Variants in AKAP12 observed in about 807,000 individuals in gnomAD.
AKAP12 encodes the protein A-kinase anchor protein 12.
A neutral mutation model predicts 79.9 loss-of-function variants in AKAP12; 32 were observed. The ratio of observed to expected loss-of-function variants is 0.40; its 90% confidence interval spans 0.30 to 0.54. The LOEUF is 0.54. AKAP12 is among the 20% of genes least tolerant of loss of function. AKAP12 has a pLI of 0.48. For synonymous variants in AKAP12, 808 were observed against 857.0 expected (o/e 0.94, Z 1.00); for missense variants, 2,074 against 2,177.0 (o/e 0.95, Z 0.94).
At chr6:151,331,928 G>A (rs1416753470) in intron 3 of AKAP12, among the ~76,000 whole-genome samples, 1 of 149,234 alleles carries the variant, frequency 6.7e-6, no homozygotes, top group Admixed American at 6.7e-5. Context: ...CTAGTAGCAC[G>A]ATCATAGCTC....
intron 2 of AKAP12, among the ~76,000 whole-genome samples, chr6:151,303,354 G>A (rs1582868263): frequency 6.6e-6 from 1 of 152,186 alleles, no homozygotes; most frequent in East Asian, 1.9e-4. Context: ...AAGTGGAAAT[G>A]TAATCTGAGT....
chr6:151,272,349 AAAAAAAAAAAC>A (rs1481539318), intron 2 of AKAP12, among the ~76,000 whole-genome samples: 4 of 150,972 alleles, frequency 2.6e-5, no homozygotes, highest in East Asian at 1.9e-4. Context: ...TGTTTCAAAA[AAAAAAAAAAAC>A]AAAAAAAACA....
chr6:151,288,670 A>G (rs1776555442), intron 2 of AKAP12, among the ~76,000 whole-genome samples: 1 of 152,202 alleles, frequency 6.6e-6, no homozygotes, highest in Non-Finnish European at 1.5e-5. Context: ...GTACAGCTGA[A>G]CTGCCTGTCA....
chr6:151,351,964 T>A lies in AKAP12; in HGVS notation c.3573T>A (p.Ile1191=). The A allele has an allele frequency of 1.9e-6, 3 of 1,613,934 alleles. No individual in the cohort carries two copies. Among genetic ancestry groups the A allele is most frequent in the Non-Finnish European group, 2.5e-6 (3 of 1,179,988 alleles). ...CAGGCACAACCCAGAAAGACGAGAT[T>A]GTGGAAATCCATGAGGAGAATGAGG... ...DAPGTTQKDE[I]VEIHEENEVA... Residue 1191 remains isoleucine, a synonymous_variant, in exon 4 of 5, where the codon ATT becomes ATA. Coordinates refer to ENST00000402676, the MANE Select transcript of AKAP12 (RefSeq NM_005100.4). This position sits in a 1 kb window ranked among gnomAD's most constrained non-coding sequence, Gnocchi z 4.4.
intron 3 of AKAP12, chr6:151,324,507 C>G: frequency 1.0e-6 from 1 of 985,434 alleles, no homozygotes; most frequent in Non-Finnish European, 1.2e-6. Flanking sequence ...CTCGCCCACC[C>G]TTCTCTTTGC....
intron 2 of AKAP12, among the ~76,000 whole-genome samples, chr6:151,274,153 C>T (rs1485324757): frequency 6.6e-6 from 1 of 151,834 alleles, no homozygotes; most frequent in Non-Finnish European, 1.5e-5. Flanking sequence ...CTCACTGCAA[C>T]CTCTGCCTCT....
chr6:151,353,486 GA>G lies in AKAP12; in HGVS notation c.5100del (p.Gly1701ValfsTer23). On this transcript the variant is annotated frameshift_variant, in exon 4 of 5. Coordinates refer to ENST00000402676, the MANE Select transcript of AKAP12 (RefSeq NM_005100.4). LOFTEE classifies it low-confidence loss of function (END_TRUNC). ...GTCACTAGTTGAACCGAAAGAAGAT[GA>G]AAAAGGTGATGATGTTGATGACCCT... ...EKSLVEPKED[E>X]KGDDVDDPEN... is the part of the protein sequence containing the mutation. The G allele has an allele frequency of 6.2e-7, 1 of 1,614,104 alleles. No homozygotes were observed.
chr6:151,341,319 G>C (rs1777939458), intron 3 of AKAP12, among the ~76,000 whole-genome samples: 1 of 152,234 alleles, frequency 6.6e-6, no homozygotes, highest in African/African-American at 2.4e-5. Flanking sequence ...CTCCCAAAGT[G>C]CTGGGATTAC....
chr6:151,324,165 C>G, intron 3 of AKAP12: 1 of 985,352 alleles, frequency 1.0e-6, no homozygotes, highest in Non-Finnish European at 1.2e-6. Flanking sequence ...AGAGTTGAGA[C>G]TTCTCTAGAG....
At chr6:151,309,248 A>G (rs181706660) in intron 3 of AKAP12, among the ~76,000 whole-genome samples, 6 of 152,262 alleles carry the variant, frequency 3.9e-5, no homozygotes, top group Admixed American at 6.5e-5. Flanking sequence ...GGATAGACAA[A>G]GGCATAATTT....
Position 151,352,926 on chromosome 6 carries a change from C to G in AKAP12, c.4535C>G (p.Ser1512Ter). The G allele has an allele frequency of 6.2e-7, 1 of 1,614,024 alleles. No homozygotes were observed. The highest frequency in any genetic ancestry group is 8.5e-7 in the Non-Finnish European group (1 of 1,180,030). ...AAAACCACATCACTGAAGTGGAAGT[C>G]AGATGAAGTCGATGAGCAGGTTGCT... ...GEKTTSLKWK[S>*]DEVDEQVACQ... The change falls in exon 4 of 5, where the codon TCA becomes TGA. Residue 1512 changes from serine to a stop codon, truncating the protein, a stop_gained. Coordinates refer to ENST00000402676, the MANE Select transcript of AKAP12 (RefSeq NM_005100.4). LOFTEE classifies it low-confidence loss of function (END_TRUNC).
chr6:151,352,795 A>G lies in AKAP12; in HGVS notation c.4404A>G (p.Pro1468=). Residue 1468 remains proline, a synonymous_variant, in exon 4 of 5, where the codon CCA becomes CCG. Coordinates refer to ENST00000402676, the MANE Select transcript of AKAP12 (RefSeq NM_005100.4). ...SEKNEDFAAH[P]GEDAVPTGPD... ...AAAATGAAGACTTTGCCGCTCATCC[A>G]GGGGAAGATGCTGTGCCCACAGGGC... The G allele has an allele frequency of 6.2e-7, 1 of 1,614,228 alleles. No individual in the cohort carries two copies.
In AKAP12 at chr6:151,338,306, G is replaced by C. The variant is rs570644291; in HGVS notation, c.320-10405G>C. ...CTAGGGTCAGAGATTTTGTGTTGTC[G>C]TGTCTTTTTAGCTTCTTTTAATCTG... On this transcript the variant is annotated intron_variant, in intron 3 of 4. Transcript: ENST00000402676. 3.3e-5 allele frequency among the ~76,000 whole-genome samples: 5 copies of C among 152,150 alleles called. No individual in the cohort carries two copies. The East Asian group carries it at 9.6e-4, about 29-fold the overall frequency.
intron 2 of AKAP12, among the ~76,000 whole-genome samples, chr6:151,252,967 T>G (rs796722159): frequency 2.6e-5 from 4 of 152,306 alleles, no homozygotes; most frequent in African/African-American, 9.6e-5. Context: ...ACATTTTCGC[T>G]TTGTAATTTT....
intron 3 of AKAP12, chr6:151,325,794 T>C (rs1777508965): frequency 1.2e-6 from 2 of 1,613,232 alleles, no homozygotes; most frequent in Non-Finnish European, 8.5e-7. Context: ...GGCAGGAGAC[T>C]AGGCGTCTGC....
At chr6:151,341,525 C>T (rs1426069508) in intron 3 of AKAP12, among the ~76,000 whole-genome samples, 1 of 152,156 alleles carries the variant, frequency 6.6e-6, no homozygotes, top group African/African-American at 2.4e-5. Context: ...GCGCCGGGCG[C>T]GGGGAGGCTG....
At chr6:151,298,097 C>G (rs1275655329) in intron 2 of AKAP12, among the ~76,000 whole-genome samples, 2 of 152,150 alleles carry the variant, frequency 1.3e-5, no homozygotes, top group Admixed American at 6.5e-5. Flanking sequence ...GGACTCTAAC[C>G]AAGACGTTGT....
chr6:151,241,408 G>T (rs1332265853), intron 2 of AKAP12, among the ~76,000 whole-genome samples: 1 of 152,254 alleles, frequency 6.6e-6, no homozygotes, highest in Non-Finnish European at 1.5e-5. Flanking sequence ...CCTCGCGTTC[G>T]CTCAGCGCTT....
intron 4 of AKAP12, among the ~76,000 whole-genome samples, chr6:151,354,692 G>GA (rs1778402143): frequency 6.6e-6 from 1 of 151,398 alleles, no homozygotes; most frequent in African/African-American, 2.4e-5. Context: ...TTTGTTTTTT[G>GA]AGAGAGCCTT....
Sources: allele counts gnomAD v4.1 joint callset (sites outside exome capture counted in the v4.1 genomes callset), GRCh38; gene constraint gnomAD v4.1.1; non-coding constraint Gnocchi (gnomAD v3.1); transcripts MANE v1.5; gene names NCBI Gene and HGNC (gene_info 2026-07-23, HGNC 2026-07-21).